The following KRT36 variants were observed in gnomAD, a reference collection of about 807,000 sequenced individuals.
KRT36 encodes keratin 36.
A neutral mutation model predicts 43.0 loss-of-function variants in KRT36; 41 were observed. The ratio of observed to expected loss-of-function variants is 0.95; its 90% confidence interval spans 0.74 to 1.24. KRT36 has a LOEUF of 1.24. KRT36 is among the 50% of genes most tolerant of loss of function. The pLI is 0.00. For missense variants in KRT36, 627 were observed against 595.3 expected, an observed-to-expected ratio of 1.05 and a Z score of -0.55; for synonymous variants, 277 against 252.9, an observed-to-expected ratio of 1.10 and a Z score of -0.90.
In KRT36 at chr17:41,488,311, C is replaced by A; in HGVS notation, c.631G>T (p.Ala211Ser). 6.2e-7 allele frequency: 1 copy of A among 1,614,184 alleles called. No homozygotes were observed. Among genetic ancestry groups the A allele is most frequent in the Non-Finnish European group, 8.5e-7 (1 of 1,180,014 alleles). ...GACTCCACCTGAGCCTCCAGGTCAG[C>A]CTTGCACAGGGTCAGCTCATCCAGG... ...RILDELTLCK[A>S]DLEAQVESLK... Residue 211 changes from alanine (A) to serine (S), a missense_variant, in exon 3 of 7, where the codon GCT (alanine) becomes TCT (serine). By Grantham distance (99) the Ala-to-Ser change is moderately conservative (BLOSUM62 1). Transcript: ENST00000328119.
At position 41,489,673 on chromosome 17, in the gene KRT36, A is replaced by G. The variant is rs1310576703; in HGVS notation, c.192T>C (p.Pro64=). The change falls in exon 1 of 7, where the codon CCT becomes CCC. Residue 64 remains proline, a synonymous_variant. Coordinates refer to ENST00000328119, the MANE Select transcript of KRT36 (RefSeq NM_003771.5). ...GGCACTCAGAAGACAGGTAGGAGCC[A>G]GGCAAGCAGCTCCCAAGGCCAGAGA... ...SGLSGLGSCL[P]GSYLSSECHT... 2.5e-6 allele frequency: 4 copies of G among 1,614,206 alleles called. No individual in the cohort carries two copies. Among genetic ancestry groups the G allele is most frequent in the Non-Finnish European group, 3.4e-6 (4 of 1,180,030 alleles).
Position 41,489,457 on chromosome 17 carries a change from GA to G in KRT36, c.407del (p.Ile136ThrfsTer21). On this transcript the variant is annotated frameshift_variant, in exon 1 of 7. Coordinates refer to ENST00000328119, the MANE Select transcript of KRT36 (RefSeq NM_003771.5). LOFTEE classifies it high-confidence loss of function. ...TGAAGTAGGACTGGTAGTCTGGGCA[GA>G]TGTATGGGATCTGAAACTCGTACCA... is the stretch of plus-strand genomic sequence containing the variant. ...QEWYEFQIPYICPDYQSYFKT... is the reference protein window; with the variant it reads ...QEWYEFQIPYXCPDYQSYFKT... 1 of 1,614,256 alleles carries G rather than the reference GA, an allele frequency of 6.2e-7. No individual in the cohort carries two copies. The highest frequency in any genetic ancestry group is 8.5e-7 in the Non-Finnish European group (1 of 1,180,050).
At chr17:41,487,859 T>A in intron 3 of KRT36, 122 bp from the exon 4 acceptor site, 3 of 935,636 alleles carry the variant, frequency 3.2e-6, no homozygotes, top group Non-Finnish European at 4.8e-6. Flanking sequence ...ACAGGATACT[T>A]AAATATCTCT....
At chr17:41,487,301 C>G in intron 5 of KRT36, 50 bp downstream of exon 5, 1 of 1,588,774 alleles carries the variant, frequency 6.3e-7, no homozygotes, top group Non-Finnish European at 8.5e-7. Context: ...GCTGGTGCGT[C>G]GGGGACCTGC....
chr17:41,487,920 T>C (rs1904452116), intron 3 of KRT36, among the ~76,000 whole-genome samples, 183 bp from the exon 4 acceptor site: 1 of 152,214 alleles, frequency 6.6e-6, no homozygotes, highest in Admixed American at 6.5e-5. Context: ...ATGGGATATT[T>C]GTGAGATGAT....
chr17:41,489,869 C>T lies in KRT36; in HGVS notation c.-5G>A. The T allele has an allele frequency of 6.2e-7, 1 of 1,608,432 alleles. No individual in the cohort carries two copies. Among genetic ancestry groups the T allele is most frequent in the Non-Finnish European group, 8.5e-7 (1 of 1,176,354 alleles). The stretch of plus-strand genomic sequence containing the variant: ...GGTGCAGGTCTGGGTGGCCATGGTG[C>T]TAGCAGAGGAAGGTTGCAGCTTAGC... On this transcript the variant is annotated 5_prime_UTR_variant, in exon 1 of 7. Transcript: ENST00000328119.
intron 6 of KRT36, 87 bp from the exon 7 acceptor site, chr17:41,486,658 G>T: frequency 1.8e-6 from 2 of 1,099,658 alleles, no homozygotes; most frequent in Non-Finnish European, 2.5e-6. Context: ...GATCAAGCGA[G>T]ACCGGTGGCC....
At position 41,489,526 on chromosome 17, in the gene KRT36, C is replaced by G; in HGVS notation, c.339G>C (p.Gln113His). 6.2e-7 allele frequency: 1 copy of G among 1,614,218 alleles called. No homozygotes were observed. Among genetic ancestry groups the G allele is most frequent in the Non-Finnish European group, 8.5e-7 (1 of 1,180,046 alleles). Residue 113 changes from glutamine to histidine, a missense_variant, in exon 1 of 7, where the codon CAG becomes CAC. Physicochemically the swap from Gln to His is conservative, Grantham distance 24. Coordinates refer to ENST00000328119, the MANE Select transcript of KRT36 (RefSeq NM_003771.5). The part of the protein sequence containing the change: ...RLANYLEKVR[Q>H]LERENAELES... Reference sequence around the variant, plus strand: ...CCAGCTCCGCGTTCTCCCGCTCCAGCTGACGCACCTTCTCCAGGTAGTTGG... The same window carrying G: ...CCAGCTCCGCGTTCTCCCGCTCCAGGTGACGCACCTTCTCCAGGTAGTTGG...
intron 6 of KRT36, 118 bp from the exon 7 acceptor site, chr17:41,486,689 T>C (rs781447521): frequency 9.9e-5 from 82 of 829,948 alleles, no homozygotes; most frequent in Non-Finnish European, 1.4e-4. Flanking sequence ...TCAGTGCCTC[T>C]GAATTCCCCA....
chr17:41,486,396 C>A lies in KRT36; in HGVS notation c.1384G>T (p.Val462Leu), dbSNP rs555765804. 1.2e-6 allele frequency: 2 copies of A among 1,613,976 alleles called. No individual in the cohort carries two copies. Among genetic ancestry groups the A allele is most frequent in the Admixed American group, 1.7e-5 (1 of 59,982 alleles). ...DGKVISSREH[V>L]QSRPL ...GGCTGTCACAGCGGGCGGGACTGCA[C>A]GTGCTCCCTGGAGGAGATGACTTTC... Residue 462 changes from valine (V) to leucine (L), a missense_variant, in exon 7 of 7, where the codon GTG becomes TTG. Transcript: ENST00000328119.
chr17:41,489,316 C>G (rs1904495344), intron 1 of KRT36, 90 bp downstream of exon 1: 3 of 1,394,554 alleles, frequency 2.2e-6, no homozygotes, highest in Non-Finnish European at 3.0e-6. Flanking sequence ...TCCCTAAAAG[C>G]TACCGTCCCA....
rs1316442691 is a variant in KRT36, at chr17:41,487,358, T to C, written c.980A>G (p.His327Arg). The C allele has an allele frequency of 1.2e-6, 2 of 1,611,516 alleles. No homozygotes were observed. Among genetic ancestry groups the C allele is most frequent in the Non-Finnish European group, 1.7e-6 (2 of 1,179,770 alleles). The change falls in exon 5 of 7, where the codon CAC (histidine) becomes CGC (arginine). Residue 327 changes from histidine (H) to arginine (R), a missense_variant. Coordinates refer to ENST00000328119, the MANE Select transcript of KRT36 (RefSeq NM_003771.5). ...NALEIELQAQ[H>R]SMRNSLESTL... The stretch of plus-strand genomic sequence containing the variant: ...CAGGCAGGGGCCACTCACCATGCTG[T>C]GCTGAGCCTGCAGCTCAATCTCTAG...
intron 5 of KRT36, 40 bp from the exon 6 acceptor site, chr17:41,487,210 A>T: frequency 3.8e-6 from 6 of 1,592,434 alleles, no homozygotes; most frequent in Non-Finnish European, 5.1e-6. Flanking sequence ...TTGGGGAGGA[A>T]TCCCCTGACC....
Position 41,487,395 on chromosome 17 carries a change from T to A in KRT36, c.943A>T (p.Thr315Ser), listed in dbSNP as rs1310972874. The A allele has an allele frequency of 6.2e-7, 1 of 1,613,714 alleles. No homozygotes were observed. Among genetic ancestry groups the A allele is most frequent in the Non-Finnish European group, 8.5e-7 (1 of 1,179,890 alleles). The change falls in exon 5 of 7, where the codon ACG becomes TCG. Residue 315 changes from threonine (T) to serine (S), a missense_variant. Transcript: ENST00000328119. ...AGCTCAATCTCTAGCGCGTTGACCG[T>A]ACGTCTCAGCTCGATGATCTCCGTC... is the stretch of plus-strand genomic sequence containing the variant. The part of the protein sequence containing the change: ...CQTEIIELRR[T>S]VNALEIELQA...
At chr17:41,487,939 T>C (rs533581169) in intron 3 of KRT36, among the ~76,000 whole-genome samples, 2 of 152,212 alleles carry the variant, frequency 1.3e-5, no homozygotes, top group Non-Finnish European at 1.5e-5. Flanking sequence ...ATACAAACCC[T>C]AGGCAAATTA....
At chr17:41,488,469 T>C (rs1181433861) in intron 2 of KRT36, 70 bp from the exon 3 acceptor site, 13 of 1,580,074 alleles carry the variant, frequency 8.2e-6, no homozygotes, top group Non-Finnish European at 1.1e-5. Flanking sequence ...CCTGCCCTAC[T>C]GTCCAGCTGC....
At chr17:41,488,584 G>T (rs1432768981) in intron 2 of KRT36, 58 bp downstream of exon 2, 1 of 1,558,228 alleles carries the variant, frequency 6.4e-7, no homozygotes, top group Non-Finnish European at 8.9e-7. Context: ...GCTCCCAAAG[G>T]CAGGGGACAG....
rs1254066051 is a variant in KRT36 at position 41,486,152 on chromosome 17, A to G, written c.*224T>C. 4 of 540,362 alleles carry G rather than the reference A, an allele frequency of 7.4e-6. No homozygotes were observed. The Admixed American group carries it at 1.0e-4, about 14-fold the overall frequency. The allele number at this position is 540,362 out of a possible 1,614,324, so 33.5% of individuals were successfully genotyped here. ...CAGCCAGGGTTGAGTTTGCTATGCC[A>G]GGAGAACACACTTTATTGGGTAAAT... is the stretch of plus-strand genomic sequence containing the variant. On this transcript the variant is annotated 3_prime_UTR_variant, in exon 7 of 7. Coordinates refer to ENST00000328119, the MANE Select transcript of KRT36 (RefSeq NM_003771.5).
chr17:41,489,771 G>T lies in KRT36; in HGVS notation c.94C>A (p.Arg32Ser), dbSNP rs529507843. The change falls in exon 1 of 7, where the codon CGT (arginine) becomes AGT (serine). Residue 32 changes from arginine to serine, a missense_variant. Physicochemically the swap from Arg to Ser is moderately radical, Grantham distance 110 (BLOSUM62 -1). Transcript: ENST00000328119. ...AGGISRVSSIRSVGSCRVPSL... is the reference protein window; with the variant it reads ...AGGISRVSSISSVGSCRVPSL... Reference sequence around the variant, plus strand: ...GGGACCCTGCAGGAGCCCACAGAACGGATGGAGGACACCCGAGAGATGCCG... The same window carrying T: ...GGGACCCTGCAGGAGCCCACAGAACTGATGGAGGACACCCGAGAGATGCCG... 6.2e-7 allele frequency: 1 copy of T among 1,613,890 alleles called. No homozygotes were observed. Among genetic ancestry groups the T allele is most frequent in the Non-Finnish European group, 8.5e-7 (1 of 1,179,974 alleles).
Sources: allele counts gnomAD v4.1 joint callset (sites outside exome capture counted in the v4.1 genomes callset), GRCh38; gene constraint gnomAD v4.1.1; transcripts MANE v1.5; gene names NCBI Gene and HGNC (gene_info 2026-07-23, HGNC 2026-07-21).